Variants in OPHN1 observed in about 807,000 individuals in gnomAD.
OPHN1 encodes the protein oligophrenin-1.
OPHN1 carries 11 observed loss-of-function variants against 60.7 expected under a neutral mutation model. The observed-to-expected ratio is 0.18, with a 90% confidence interval of 0.11 to 0.30. The LOEUF (loss-of-function observed/expected upper bound fraction) is 0.30, where lower values mean the gene tolerates loss of function less well. Among genes scored for constraint, OPHN1 ranks in the 10% least tolerant of loss-of-function variants. OPHN1 has a pLI of 1.00. For synonymous variants in OPHN1, 226 were observed against 222.6 expected (o/e 1.02, Z -0.14); for missense variants, 449 against 611.0 (o/e 0.73, Z 2.80).
chrX:68,170,782 T>G (rs1188597530), intron 15 of OPHN1, among the ~76,000 whole-genome samples: 1 of 50,960 alleles, frequency 2.0e-5, no homozygotes, highest in Non-Finnish European at 3.3e-5. Flanking sequence ...GGGACTGTTG[T>G]GGGGTGGGGG....
At chrX:68,077,696 C>A (rs1400939950) in intron 19 of OPHN1, among the ~76,000 whole-genome samples, 1 of 111,983 alleles carries the variant, frequency 8.9e-6, no homozygotes, top group African/African-American at 3.2e-5. Flanking sequence ...CAATCATAAC[C>A]TCTAGGAAAG....
intron 2 of OPHN1, among the ~76,000 whole-genome samples, chrX:68,353,980 G>A (rs1165030062): frequency 8.9e-6 from 1 of 111,986 alleles, no homozygotes; most frequent in Non-Finnish European, 1.9e-5. Context: ...TGCTGAAATC[G>A]AAAAAGTTAG....
chrX:68,321,335 C>A (rs954914842), intron 2 of OPHN1, among the ~76,000 whole-genome samples: 1 of 111,769 alleles, frequency 8.9e-6, no homozygotes, highest in African/African-American at 3.3e-5. Flanking sequence ...GCTCAAAGAC[C>A]GAATACATAT....
chrX:68,397,010 T>C (rs762122745), intron 2 of OPHN1, among the ~76,000 whole-genome samples: 26 of 110,417 alleles, frequency 2.4e-4, no homozygotes, highest in Non-Finnish European at 4.0e-4. Context: ...GAGGTTAATC[T>C]TCTCTGGGTG....
In OPHN1 at chrX:68,181,669, T is replaced by A. The variant is rs938018594; in HGVS notation, c.1276+11250A>T. ...GTGAAACACTGTCTCTACTAAAAATTTAAAAAAAATTAGCCGGGCATGGGG... is the reference window on the plus strand; with the variant it reads ...GTGAAACACTGTCTCTACTAAAAATATAAAAAAAATTAGCCGGGCATGGGG... On this transcript the variant is annotated intron_variant, in intron 15 of 24. Coordinates refer to ENST00000355520, the MANE Select transcript of OPHN1 (RefSeq NM_002547.3). Among the ~76,000 whole-genome samples, 4 of 109,937 alleles carry A rather than the reference T, an allele frequency of 3.6e-5. No homozygotes were observed. The South Asian group carries it at 1.6e-3, about 43-fold the overall frequency.
rs189702458 is a variant in OPHN1, at chrX:68,331,967, C to T, written c.155-32871G>A. Among the ~76,000 whole-genome samples the T allele has an allele frequency of 5.4e-5, 6 of 110,206 alleles. No individual in the cohort carries two copies. The East Asian group carries it at 1.4e-3, about 26-fold the overall frequency. On this transcript the variant is annotated intron_variant, in intron 2 of 24. Transcript: ENST00000355520. The stretch of plus-strand genomic sequence containing the variant: ...AGGAGAATCACTTGAACCTGAGAGG[C>T]AGAGGTTGTGGTGAGCCGAGATCGC...
At chrX:68,387,985 A>C (rs998183455) in intron 2 of OPHN1, among the ~76,000 whole-genome samples, 29 of 109,519 alleles carry the variant, frequency 2.6e-4, no homozygotes, top group Admixed American at 4.0e-4. Context: ...TGCAAAGGGA[A>C]CAGCACAGGC....
At chrX:68,124,732 G>T (rs780648998) in intron 15 of OPHN1, among the ~76,000 whole-genome samples, 1 of 110,708 alleles carries the variant, frequency 9.0e-6, no homozygotes, top group East Asian at 2.9e-4. Context: ...TGCAGTCTCA[G>T]CCTCATAGGT....
At chrX:68,147,789 T>C (rs1244241636) in intron 15 of OPHN1, among the ~76,000 whole-genome samples, 1 of 111,904 alleles carries the variant, frequency 8.9e-6, no homozygotes, top group Non-Finnish European at 1.9e-5. Flanking sequence ...AATGCGTGGA[T>C]AGTCAATGCC....
At chrX:68,382,203 C>T (rs996187290) in intron 2 of OPHN1, among the ~76,000 whole-genome samples, 2 of 110,155 alleles carry the variant, frequency 1.8e-5, no homozygotes, top group Admixed American at 9.8e-5. Flanking sequence ...AAAAATCAGC[C>T]GGGCGTGGTG....
At chrX:68,216,643 T>A (rs1426285692) in intron 6 of OPHN1, among the ~76,000 whole-genome samples, 1 of 111,097 alleles carries the variant, frequency 9.0e-6, no homozygotes, top group African/African-American at 3.3e-5. Flanking sequence ...AAATGAGACT[T>A]AATTAAACTA....
At chrX:68,176,983 T>C (rs1404161640) in intron 15 of OPHN1, among the ~76,000 whole-genome samples, 2 of 107,464 alleles carry the variant, frequency 1.9e-5, no homozygotes, top group African/African-American at 6.7e-5. Flanking sequence ...CATATATATA[T>C]ATATATATAT....
At chrX:68,226,100 C>T (rs1260014886) in intron 6 of OPHN1, among the ~76,000 whole-genome samples, 2 of 111,142 alleles carry the variant, frequency 1.8e-5, no homozygotes, top group African/African-American at 6.5e-5. Flanking sequence ...CTTCAGTAGC[C>T]GATTCGATCA....
chrX:68,404,200 G>A (rs1275814982), intron 2 of OPHN1, among the ~76,000 whole-genome samples: 2 of 106,221 alleles, frequency 1.9e-5, no homozygotes, highest in East Asian at 3.0e-4. Flanking sequence ...TCACTCTGTC[G>A]CCAGTCTGGA....
intron 6 of OPHN1, among the ~76,000 whole-genome samples, chrX:68,231,448 G>A (rs1424667157): frequency 9.0e-6 from 1 of 111,422 alleles, no homozygotes; most frequent in African/African-American, 3.3e-5. Flanking sequence ...GTATTATTTG[G>A]TATTGACTCA....
chrX:68,287,156 G>GGAAAGAAAGAAAGAAAGAAAGAAA (rs538783611), intron 3 of OPHN1, among the ~76,000 whole-genome samples: 1,713 of 72,868 alleles, frequency 0.024, 128 homozygotes, highest in African/African-American at 0.1. Context: ...GAAGAAAGAA[G>GGAAAGAAAGAAAGAAAGAAAGAAA]GAAAGAAAGA....
intron 14 of OPHN1, among the ~76,000 whole-genome samples, 186 bp from the exon 15 acceptor site, chrX:68,193,179 G>A (rs2077496648): frequency 8.9e-6 from 1 of 112,143 alleles, no homozygotes; most frequent in Admixed American, 9.5e-5. Flanking sequence ...CATTTGGAGT[G>A]TACCAAACCC....
intron 2 of OPHN1, among the ~76,000 whole-genome samples, chrX:68,318,398 C>A (rs2078219533): frequency 1.8e-5 from 2 of 111,407 alleles, no homozygotes; most frequent in South Asian, 3.8e-4. Flanking sequence ...TTTTTTGGGG[C>A]AAAGACAGAC....
chrX:68,227,018 C>T (rs1020081031), intron 6 of OPHN1, among the ~76,000 whole-genome samples: 4 of 111,112 alleles, frequency 3.6e-5, no homozygotes, highest in Non-Finnish European at 5.7e-5. Context: ...ACCCATCTCA[C>T]GTGCAGAGAC....
Sources: allele counts gnomAD v4.1 joint callset (sites outside exome capture counted in the v4.1 genomes callset), GRCh38; gene constraint gnomAD v4.1.1; transcripts MANE v1.5; gene names NCBI Gene and HGNC (gene_info 2026-07-23, HGNC 2026-07-21).